Variants in KAZN observed in about 807,000 individuals in gnomAD.
KAZN encodes kazrin.
In KAZN, 40 loss-of-function variants were observed where a neutral mutation model predicts 87.4. The ratio of observed to expected loss-of-function variants is 0.46; its 90% CI spans 0.36 to 0.60. KAZN has a LOEUF of 0.60. Ranked by LOEUF, KAZN falls within the 20% of genes least tolerant of loss-of-function variation. The pLI is 0.00. For synonymous variants in KAZN, 466 were observed against 458.3 expected (o/e 1.02, Z -0.22); for missense variants, 898 against 1,073.9 (o/e 0.84, Z 2.29).
chr1:14,373,164 CTCCAG>C (rs1660638112), intron 2 of KAZN, among the ~76,000 whole-genome samples: 1 of 150,974 alleles, frequency 6.6e-6, no homozygotes, highest in African/African-American at 2.4e-5. Context: ...AGTCTCATTG[CTCCAG>C]TATTTGTTAG....
intron 1 of KAZN, among the ~76,000 whole-genome samples, chr1:14,942,239 GTCC>G (rs1410076443): frequency 3.3e-5 from 5 of 152,240 alleles, no homozygotes; most frequent in Admixed American, 1.3e-4. Flanking sequence ...TTTGTCCCCT[GTCC>G]TCCTCAAGCA....
intron 2 of KAZN, among the ~76,000 whole-genome samples, chr1:14,332,053 C>T (rs1342765094): frequency 2.6e-5 from 4 of 152,298 alleles, no homozygotes; most frequent in Admixed American, 6.5e-5. Flanking sequence ...CTGCAGGCCA[C>T]ATATAGTCTC....
At position 14,069,055 on chromosome 1, in the gene KAZN, G is replaced by A. The variant is rs151223893; in HGVS notation, c.92-111380G>A. Among the ~76,000 whole-genome samples, 409 of 152,186 alleles carry A rather than the reference G, an allele frequency of 2.7e-3. 10 individuals are homozygous for A. The South Asian group carries it at 0.067, about 25-fold the overall frequency. On this transcript the variant is annotated intron_variant, in intron 1 of 16. Transcript: ENST00000636203. ...CTCATGATGTGCCTGCCTGGGCCTC[G>A]CAAAGTGTTGGGATTACAGGCGTGA...
chr1:14,685,462 C>A (rs1023030115), intron 1 of KAZN, among the ~76,000 whole-genome samples: 3 of 152,194 alleles, frequency 2.0e-5, no homozygotes, highest in Non-Finnish European at 4.4e-5. Context: ...CCAATGTGCA[C>A]CCATGTACTG....
At chr1:15,088,576 T>A (rs1379800739) in intron 8 of KAZN, among the ~76,000 whole-genome samples, 1 of 152,094 alleles carries the variant, frequency 6.6e-6, no homozygotes, top group Non-Finnish European at 1.5e-5. Context: ...GCCATCAACA[T>A]GAGTTATTCC....
At chr1:13,934,837 G>A (rs1640659363) in intron 1 of KAZN, among the ~76,000 whole-genome samples, 1 of 152,190 alleles carries the variant, frequency 6.6e-6, no homozygotes, top group Admixed American at 6.5e-5. Context: ...TTTGAAGGTG[G>A]AAACTGGGTC....
At chr1:15,045,108 G>C (rs187514490) in intron 4 of KAZN, among the ~76,000 whole-genome samples, 1 of 152,186 alleles carries the variant, frequency 6.6e-6, no homozygotes, top group South Asian at 2.1e-4. Context: ...CCACTCAACT[G>C]TTCTGGGCTT....
At chr1:14,919,362 A>G (rs1658243471) in intron 1 of KAZN, among the ~76,000 whole-genome samples, 1 of 152,110 alleles carries the variant, frequency 6.6e-6, no homozygotes, top group Non-Finnish European at 1.5e-5. Context: ...TTTTTAGGAG[A>G]GACAGGGTTT....
At chr1:14,482,526 A>G (rs961770332) in intron 2 of KAZN, among the ~76,000 whole-genome samples, 8 of 152,156 alleles carry the variant, frequency 5.3e-5, no homozygotes, top group Admixed American at 4.6e-4. Flanking sequence ...GATAATATTA[A>G]TATCTCCTAA....
intron 1 of KAZN, among the ~76,000 whole-genome samples, chr1:14,024,568 G>GCAGGAA (rs1202777107): frequency 6.6e-6 from 1 of 152,220 alleles, no homozygotes; most frequent in Non-Finnish European, 1.5e-5. Context: ...CAGGAAAGAA[G>GCAGGAA]CAGGAACAGG....
At chr1:14,390,577 A>G (rs765234079) in intron 2 of KAZN, 1 of 152,254 alleles carries the variant, frequency 6.6e-6, no homozygotes, top group Non-Finnish European at 1.5e-5. Context: ...GTATTGCTGG[A>G]CTCAGTAAAC....
At chr1:14,522,492 C>T (rs1435027059) in intron 2 of KAZN, among the ~76,000 whole-genome samples, 1 of 152,128 alleles carries the variant, frequency 6.6e-6, no homozygotes, top group African/African-American at 2.4e-5. Flanking sequence ...CAAAAGGTTT[C>T]CTGCAAATCA....
At chr1:14,632,894 T>C (rs1679675612) in intron 1 of KAZN, among the ~76,000 whole-genome samples, 1 of 149,904 alleles carries the variant, frequency 6.7e-6, no homozygotes, top group Non-Finnish European at 1.5e-5. Flanking sequence ...ACTCTCCTGT[T>C]TGGGAGGAAG....
At chr1:15,034,986 A>C in intron 3 of KAZN, 101 bp downstream of exon 3, 5 of 1,421,770 alleles carry the variant, frequency 3.5e-6, no homozygotes, top group Non-Finnish European at 3.9e-6. Flanking sequence ...GAATCCCCAA[A>C]CACAGATAGG....
intron 2 of KAZN, among the ~76,000 whole-genome samples, chr1:14,553,103 G>T (rs373128261): frequency 6.6e-6 from 1 of 152,172 alleles, no homozygotes; most frequent in Non-Finnish European, 1.5e-5. Flanking sequence ...GGCCAGGCAC[G>T]TTGGCTCATG....
intron 1 of KAZN, among the ~76,000 whole-genome samples, chr1:14,789,496 C>T (rs1024816601): frequency 1.3e-5 from 2 of 152,128 alleles, no homozygotes; most frequent in African/African-American, 4.8e-5. Context: ...CTCACCTGAA[C>T]CAGCCTTGGG....
At chr1:14,446,878 T>C (rs1667011188) in intron 2 of KAZN, among the ~76,000 whole-genome samples, 1 of 152,088 alleles carries the variant, frequency 6.6e-6, no homozygotes, top group Non-Finnish European at 1.5e-5. Context: ...TTGTGCTCCA[T>C]GGATTCCTGA....
At chr1:14,626,781 C>A (rs1223947287) in intron 1 of KAZN, among the ~76,000 whole-genome samples, 1 of 152,190 alleles carries the variant, frequency 6.6e-6, no homozygotes, top group Non-Finnish European at 1.5e-5. Context: ...GCAGCCTACT[C>A]TCCAGCCACA....
intron 2 of KAZN, among the ~76,000 whole-genome samples, chr1:14,375,594 T>C (rs1193377654): frequency 6.6e-6 from 1 of 152,106 alleles, no homozygotes; most frequent in African/African-American, 2.4e-5. Context: ...CTGCATGAAA[T>C]GACACGTGGA....
Sources: gnomAD v4.1 joint callset for allele counts (sites outside exome capture counted in the v4.1 genomes callset) on GRCh38, gnomAD v4.1.1 for gene constraint, MANE v1.5 for transcripts, NCBI Gene and HGNC (gene_info 2026-07-23, HGNC 2026-07-21) for gene names.